Variants in CCDC91 observed in about 807,000 individuals in gnomAD.
CCDC91 encodes the protein coiled-coil domain-containing protein 91.
CCDC91 carries 48 observed loss-of-function variants against 63.2 expected under a neutral mutation model. The ratio of observed to expected loss-of-function variants is 0.76; its 90% CI spans 0.60 to 0.97. The LOEUF is 0.97. Ranked by LOEUF, CCDC91 falls within the 50% of genes least tolerant of loss-of-function variation. The probability of loss-of-function intolerance (pLI) is 0.00; values close to 1 mark genes in which losing one functional copy is unlikely to be tolerated. For missense variants in CCDC91, 500 were observed against 494.6 expected, an observed-to-expected ratio of 1.01 and a Z score of -0.10; for synonymous variants, 167 against 165.8, an observed-to-expected ratio of 1.01 and a Z score of -0.06.
intron 1 of CCDC91, among the ~76,000 whole-genome samples, chr12:28,197,890 T>C (rs1422769552): frequency 1.3e-5 from 2 of 152,130 alleles, no homozygotes; most frequent in African/African-American, 4.8e-5. Context: ...AGGATCATAT[T>C]TACTGTGACT....
At chr12:28,233,694 C>A (rs919501881) in intron 1 of CCDC91, among the ~76,000 whole-genome samples, 1 of 152,042 alleles carries the variant, frequency 6.6e-6, no homozygotes, top group Non-Finnish European at 1.5e-5. Context: ...AATTATTGAA[C>A]CCTGACTTCT....
intron 1 of CCDC91, among the ~76,000 whole-genome samples, chr12:28,196,545 G>T (rs988719798): frequency 1.3e-4 from 20 of 152,158 alleles, no homozygotes; most frequent in African/African-American, 4.6e-4. Context: ...TAGTAGAGAA[G>T]GTATACAGTC....
intron 3 of CCDC91, 115 bp downstream of exon 3, chr12:28,259,557 A>C: frequency 1.5e-6 from 1 of 657,018 alleles, no homozygotes; most frequent in South Asian, 1.8e-5. Context: ...TGATCTGAAA[A>C]ATGGAGTGAT....
chr12:28,377,413 G>A (rs1945016967), intron 7 of CCDC91, among the ~76,000 whole-genome samples: 1 of 151,568 alleles, frequency 6.6e-6, no homozygotes, highest in Non-Finnish European at 1.5e-5. Context: ...ATGCTAAGTA[G>A]AAAAATAGCC....
In CCDC91 at chr12:28,267,774, T is replaced by TATTACTATATAATTATATATAATTATA. The variant is rs1565699379; in HGVS notation, c.109+8332_109+8333insATTACTATATAATTATATATAATTATA. ...TACTATATAATTATATATAATTATA[T>TATTACTATATAATTATATATAATTATA]TATTAATATATAATTATATATAATT... On this transcript the variant is annotated intron_variant, in intron 3 of 12. Coordinates refer to ENST00000536442, the MANE Select transcript of CCDC91 (RefSeq NM_018318.5). Among the ~76,000 whole-genome samples, 90 of 15,396 alleles carry TATTACTATATAATTATATATAATTATA rather than the reference T, an allele frequency of 5.8e-3. 11 individuals are homozygous for TATTACTATATAATTATATATAATTATA. Among genetic ancestry groups the TATTACTATATAATTATATATAATTATA allele is most frequent in the East Asian group, 0.021 (6 of 282 alleles). The allele number at this position is 15,396 out of a possible 152,430, so 10.1% of individuals were successfully genotyped here. A position where few individuals can be genotyped will look rare whatever the true frequency, so the allele number is the denominator to read the frequency against.
intron 11 of CCDC91, among the ~76,000 whole-genome samples, chr12:28,455,264 T>C (rs1950003396): frequency 1.3e-5 from 2 of 152,106 alleles, no homozygotes; most frequent in Admixed American, 6.6e-5. Flanking sequence ...ATTAATCATA[T>C]TAGTTTCCTA....
chr12:28,325,615 G>T (rs996816413), intron 6 of CCDC91, among the ~76,000 whole-genome samples: 1 of 151,912 alleles, frequency 6.6e-6, no homozygotes, highest in African/African-American at 2.4e-5. Flanking sequence ...AAGTGATCAG[G>T]ATTTCATTTA....
chr12:28,250,555 T>C (rs1946054314), intron 1 of CCDC91, among the ~76,000 whole-genome samples: 1 of 152,048 alleles, frequency 6.6e-6, no homozygotes, highest in Non-Finnish European at 1.5e-5. Flanking sequence ...TTAGGCACAG[T>C]CTTAATATGG....
At chr12:28,450,824 C>T (rs1353982206) in intron 10 of CCDC91, among the ~76,000 whole-genome samples, 1 of 151,666 alleles carries the variant, frequency 6.6e-6, no homozygotes, top group Admixed American at 6.6e-5. Flanking sequence ...AACAAATACA[C>T]TTTTAACACT....
rs111573805 is a variant in CCDC91, at chr12:28,247,246, C to T, written c.-14-9956C>T. Among the ~76,000 whole-genome samples, 34 of 152,056 alleles carry T rather than the reference C, an allele frequency of 2.2e-4. 1 individual carries two copies. The East Asian group carries it at 3.5e-3, about 16-fold the overall frequency. On this transcript the variant is annotated intron_variant, in intron 1 of 12. Coordinates refer to ENST00000536442, the MANE Select transcript of CCDC91 (RefSeq NM_018318.5). ...CTGTAATCCCAGCACTTTGGGAGGCCGAGGCCGGTGGATCATGAGGTCAGG... is the reference window on the plus strand; with the variant it reads ...CTGTAATCCCAGCACTTTGGGAGGCTGAGGCCGGTGGATCATGAGGTCAGG...
At chr12:28,296,337 A>G (rs753791585) in intron 3 of CCDC91, among the ~76,000 whole-genome samples, 7 of 151,844 alleles carry the variant, frequency 4.6e-5, no homozygotes, top group Non-Finnish European at 1.0e-4. Flanking sequence ...AATTTGTAGT[A>G]TACAGGGTTA....
intron 1 of CCDC91, among the ~76,000 whole-genome samples, chr12:28,240,952 C>A (rs1401345448): frequency 6.6e-6 from 1 of 152,116 alleles, no homozygotes; most frequent in Non-Finnish European, 1.5e-5. Flanking sequence ...CAACTGTTTT[C>A]CCAAGTGATC....
At chr12:28,503,324 A>C (rs1281866499) in intron 12 of CCDC91, among the ~76,000 whole-genome samples, 2 of 152,230 alleles carry the variant, frequency 1.3e-5, no homozygotes, top group Non-Finnish European at 2.9e-5. Context: ...GCCAAAAAAC[A>C]CATGAAAAAA....
intron 11 of CCDC91, among the ~76,000 whole-genome samples, 197 bp downstream of exon 11, chr12:28,452,851 T>C (rs73085960): frequency 0.013 from 1,964 of 151,976 alleles, 13 homozygotes; most frequent in Middle Eastern, 0.017. Flanking sequence ...ATCTTTCTGA[T>C]ATTGAAAACT....
At chr12:28,218,524 T>A (rs1218251096) in intron 1 of CCDC91, among the ~76,000 whole-genome samples, 1 of 152,000 alleles carries the variant, frequency 6.6e-6, no homozygotes, top group African/African-American at 2.4e-5. Flanking sequence ...TATTTACATA[T>A]GAGAAACCAC....
At chr12:28,258,715 A>G (rs1410955883) in intron 2 of CCDC91, among the ~76,000 whole-genome samples, 1 of 152,012 alleles carries the variant, frequency 6.6e-6, no homozygotes, top group Non-Finnish European at 1.5e-5. Flanking sequence ...TCAGTGGAGA[A>G]TACACATTGA....
At chr12:28,230,223 T>A (rs1363287510) in intron 1 of CCDC91, among the ~76,000 whole-genome samples, 1 of 152,190 alleles carries the variant, frequency 6.6e-6, no homozygotes, top group Admixed American at 6.5e-5. Context: ...TTGGCCAATG[T>A]ATTTTTGATA....
chr12:28,400,394 C>T (rs867141081), intron 8 of CCDC91, among the ~76,000 whole-genome samples: 14 of 150,098 alleles, frequency 9.3e-5, no homozygotes, highest in Admixed American at 6.0e-4. Context: ...ATTTTTCCCC[C>T]CTAGGCCTCC....
At chr12:28,277,513 T>C (rs1432557522) in intron 3 of CCDC91, among the ~76,000 whole-genome samples, 1 of 152,068 alleles carries the variant, frequency 6.6e-6, no homozygotes, top group African/African-American at 2.4e-5. Flanking sequence ...AAAACTTACA[T>C]GATGCTGAAA....
Sources: allele counts gnomAD v4.1 joint callset (sites outside exome capture counted in the v4.1 genomes callset), GRCh38; gene constraint gnomAD v4.1.1; transcripts MANE v1.5; gene names NCBI Gene and HGNC (gene_info 2026-07-23, HGNC 2026-07-21).